The following SLC35F1 variants were observed in gnomAD, a reference collection of about 807,000 sequenced individuals.
SLC35F1 encodes solute carrier family 35 member F1, also known as chromosome 6 open reading frame 169.
Under a neutral mutation model 48.7 loss-of-function variants are expected in SLC35F1, and 14 were observed. The ratio of observed to expected loss-of-function variants is 0.29; its 90% CI spans 0.19 to 0.45. The LOEUF (loss-of-function observed/expected upper bound fraction) is 0.45. SLC35F1 is among the 20% of genes least tolerant of loss of function. The pLI, the probability that SLC35F1 is intolerant of heterozygous loss-of-function variation, is 1.00. For missense variants in SLC35F1, 404 were observed against 500.0 expected (o/e 0.81, Z 1.83); for synonymous variants, 190 against 202.2 (o/e 0.94, Z 0.51).
chr6:118,212,839 CTATT>C (rs761764383), intron 2 of SLC35F1, among the ~76,000 whole-genome samples: 137 of 151,566 alleles, frequency 9.0e-4, no homozygotes, highest in Non-Finnish European at 1.1e-3. Flanking sequence ...CTATTATAAA[CTATT>C]TAGGACAATA....
At chr6:118,140,998 T>G (rs908484168) in intron 1 of SLC35F1, among the ~76,000 whole-genome samples, 3 of 152,152 alleles carry the variant, frequency 2.0e-5, no homozygotes, top group Admixed American at 1.3e-4. Context: ...GTAAGAAAGA[T>G]ACAGTAAGCT....
chr6:118,125,222 A>G (rs1453038773), intron 1 of SLC35F1, among the ~76,000 whole-genome samples: 1 of 152,204 alleles, frequency 6.6e-6, no homozygotes, highest in Non-Finnish European at 1.5e-5. Flanking sequence ...CAGACTACTG[A>G]TTCAAAACTC....
chr6:118,021,712 A>G (rs1401129941), intron 1 of SLC35F1, among the ~76,000 whole-genome samples: 1 of 152,216 alleles, frequency 6.6e-6, no homozygotes, highest in Non-Finnish European at 1.5e-5. Flanking sequence ...ATGGCTTAAG[A>G]CAACAACAAT....
chr6:118,180,102 C>G (rs555807757), intron 2 of SLC35F1, among the ~76,000 whole-genome samples: 1 of 152,232 alleles, frequency 6.6e-6, no homozygotes, highest in East Asian at 1.9e-4. Context: ...TTGAGAATTT[C>G]TGACCATAGC....
intron 1 of SLC35F1, among the ~76,000 whole-genome samples, chr6:118,000,151 G>T (rs962915844): frequency 6.6e-6 from 1 of 152,196 alleles, no homozygotes; most frequent in Non-Finnish European, 1.5e-5. Context: ...AACCAAAAAA[G>T]AGAATTTTAG....
chr6:117,993,856 A>G (rs1582605576), intron 1 of SLC35F1, among the ~76,000 whole-genome samples: 1 of 152,244 alleles, frequency 6.6e-6, no homozygotes, highest in East Asian at 1.9e-4. Flanking sequence ...GGGCAAGTCC[A>G]AATGCAAGTG....
At chr6:118,039,634 C>CTT (rs148970616) in intron 1 of SLC35F1, among the ~76,000 whole-genome samples, 1 of 151,494 alleles carries the variant, frequency 6.6e-6, no homozygotes, top group African/African-American at 2.4e-5. Context: ...ATCCAGTAGT[C>CTT]TTTTTTTAAA....
intron 7 of SLC35F1, among the ~76,000 whole-genome samples, chr6:118,296,518 A>G (rs952448651): frequency 1.3e-5 from 2 of 152,242 alleles, no homozygotes; most frequent in Non-Finnish European, 2.9e-5. Context: ...TCTCTGCTAC[A>G]CTAGCAATTT....
At chr6:118,194,705 A>G (rs1388448449) in intron 2 of SLC35F1, among the ~76,000 whole-genome samples, 1 of 152,186 alleles carries the variant, frequency 6.6e-6, no homozygotes, top group Non-Finnish European at 1.5e-5. Context: ...GAGGAGATAA[A>G]CAGTGGTTTT....
intron 1 of SLC35F1, among the ~76,000 whole-genome samples, chr6:118,033,071 A>C (rs751845649): frequency 2.6e-5 from 4 of 152,130 alleles, no homozygotes; most frequent in Non-Finnish European, 5.9e-5. Flanking sequence ...TGCCTTATCA[A>C]CATAATTATT....
At chr6:118,297,174 CTG>C (rs1449685855) in intron 7 of SLC35F1, among the ~76,000 whole-genome samples, 2 of 152,114 alleles carry the variant, frequency 1.3e-5, no homozygotes, top group Admixed American at 6.6e-5. Context: ...TTTTACTGTA[CTG>C]TTTTTATATT....
At chr6:118,218,444 GTCTTTGAATTAGA>G (rs1186692087) in intron 2 of SLC35F1, among the ~76,000 whole-genome samples, 1 of 151,870 alleles carries the variant, frequency 6.6e-6, no homozygotes, top group African/African-American at 2.4e-5. Flanking sequence ...TCCAAGTTTG[GTCTTTGAATTAGA>G]TCTAAGATGT....
intron 1 of SLC35F1, among the ~76,000 whole-genome samples, chr6:118,036,678 C>A (rs924482416): frequency 1.3e-5 from 2 of 152,184 alleles, no homozygotes; most frequent in African/African-American, 4.8e-5. Context: ...TCACCTCAGC[C>A]TCCCAAGTAG....
intron 5 of SLC35F1, 30 bp downstream of exon 5, chr6:118,275,645 G>A (rs770966269): frequency 2.5e-6 from 4 of 1,604,726 alleles, no homozygotes; most frequent in Non-Finnish European, 3.4e-6. Context: ...AATATAGATA[G>A]TAGAGGGACT....
chr6:118,000,212 C>G (rs1305635717), intron 1 of SLC35F1, among the ~76,000 whole-genome samples: 1 of 152,252 alleles, frequency 6.6e-6, no homozygotes, highest in Admixed American at 6.5e-5. Context: ...AAAATACTGG[C>G]AAACGGAATC....
rs1211297938 is a variant in SLC35F1 at position 118,182,517 on chromosome 6, AGAGAAG to A, written c.349+27900_349+27905del. 7.1e-3 allele frequency among the ~76,000 whole-genome samples: 955 copies of A among 134,928 alleles called. 6 individuals carry two copies. Among genetic ancestry groups the A allele is most frequent in the Non-Finnish European group, 0.013 (802 of 62,646 alleles). 88.5% of individuals were successfully genotyped at this position (134,928 alleles called of 152,430 possible). A position where few individuals can be genotyped will look rare whatever the true frequency, so the allele number is the denominator to read the frequency against. On this transcript the variant is annotated intron_variant, in intron 2 of 7. Transcript: ENST00000360388. ...AAAAAAAAAAGAAAGAGAGAGAGAG[AGAGAAG>A]GAAGGAAGGAAGGAAGGAAGGAAGG...
intron 2 of SLC35F1, among the ~76,000 whole-genome samples, chr6:118,158,781 C>G (rs1449867824): frequency 6.6e-6 from 1 of 152,048 alleles, no homozygotes; most frequent in Non-Finnish European, 1.5e-5. Flanking sequence ...TTGAGTTTGC[C>G]CTTGATTATT....
intron 2 of SLC35F1, among the ~76,000 whole-genome samples, chr6:118,222,583 GA>G (rs200141131): frequency 6.6e-6 from 1 of 151,466 alleles, no homozygotes; most frequent in African/African-American, 2.4e-5. Flanking sequence ...AAGAATCCCA[GA>G]AAAAAAACTT....
rs114594354 is a variant in SLC35F1, at chr6:118,063,888, G to T, written c.174-90557G>T. Among the ~76,000 whole-genome samples the T allele has an allele frequency of 4.2e-3, 635 of 152,150 alleles. 6 individuals are homozygous for T. Among genetic ancestry groups the T allele is most frequent in the African/African-American group, 0.015 (611 of 41,514 alleles). On this transcript the variant is annotated intron_variant, in intron 1 of 7. Transcript: ENST00000360388. ...CTTTTTAAATTTAATTATAGTGAAGGTGTGGTAATGCACAGGGAGTGATAT... is the reference window on the plus strand; with the variant it reads ...CTTTTTAAATTTAATTATAGTGAAGTTGTGGTAATGCACAGGGAGTGATAT...
Sources: gnomAD v4.1 joint callset for allele counts (sites outside exome capture counted in the v4.1 genomes callset) on GRCh38, gnomAD v4.1.1 for gene constraint, MANE v1.5 for transcripts, NCBI Gene and HGNC (gene_info 2026-07-23, HGNC 2026-07-21) for gene names.